Variants in TLE2 observed in about 807,000 individuals in gnomAD.
The protein encoded by TLE2 is transducin-like enhancer protein 2.
TLE2 carries 74 observed loss-of-function variants against 97.2 expected under a neutral mutation model. The observed-to-expected ratio is 0.76, with a 90% confidence interval of 0.63 to 0.92. TLE2 has a LOEUF of 0.92. Among genes scored for constraint, TLE2 ranks in the 40% least tolerant of loss-of-function variants. The probability of loss-of-function intolerance (pLI) is 0.00; values close to 1 mark genes in which losing one functional copy is unlikely to be tolerated. For missense variants in TLE2, 1,038 were observed against 1,008.7 expected (o/e 1.03, Z -0.39); for synonymous variants, 499 against 432.1 (o/e 1.15, Z -1.92).
chr19:3,024,995 T>TCCCCCCCC, intron 5 of TLE2, 25 bp downstream of exon 5: 6 of 790,204 alleles, frequency 7.6e-6, no homozygotes, highest in South Asian at 2.9e-5. Flanking sequence ...CTTCCCCTCC[T>TCCCCCCCC]CCCCCCACCC....
upstream of TLE2, among the ~76,000 whole-genome samples, chr19:3,029,831 G>C (rs1201798761): frequency 2.0e-5 from 3 of 152,100 alleles, no homozygotes; most frequent in African/African-American, 4.8e-5. Context: ...GGGTCTCCCT[G>C]TGTTGCCCAG....
rs914462863 is a variant in TLE2 at position 2,998,421 on chromosome 19, G to A, written c.2125-466C>T. Among the ~76,000 whole-genome samples the A allele has an allele frequency of 2.6e-5, 4 of 152,152 alleles. No homozygotes were observed. In the South Asian group the frequency reaches 8.3e-4, roughly 32 times the overall value. On this transcript the variant is annotated intron_variant, in intron 19 of 19. Coordinates refer to ENST00000262953, the MANE Select transcript of TLE2 (RefSeq NM_003260.5). The stretch of plus-strand genomic sequence containing the variant: ...AACTCCCAAGCAGCTGGGATTGCAG[G>A]TGCATGCCACCATGCCTGGCTAATT...
chr19:3,002,384 G>C lies in TLE2; in HGVS notation c.2016C>G (p.Ser672Arg), dbSNP rs748769031. 1 of 1,613,684 alleles carries C rather than the reference G, an allele frequency of 6.2e-7. No individual in the cohort carries two copies. Among genetic ancestry groups the C allele is most frequent in the Non-Finnish European group, 8.5e-7 (1 of 1,179,834 alleles). ...AGGCAAACTTCAGGGACAGCACGCA[G>C]CTCTCGTGGAGGTGCAGCTGGTATT... The part of the protein sequence containing the change: ...PEKYQLHLHE[S>R]CVLSLKFASC... Residue 672 changes from serine (S) to arginine (R), a missense_variant, in exon 18 of 20, where the codon AGC (serine) becomes AGG (arginine). Physicochemically the swap from Ser to Arg is moderately radical, Grantham distance 110. Coordinates refer to ENST00000262953, the MANE Select transcript of TLE2 (RefSeq NM_003260.5).
In TLE2 at chr19:3,019,338, C is replaced by G. The variant is rs770060187; in HGVS notation, c.495G>C (p.Gln165His). The change falls in exon 7 of 20, where the codon CAG becomes CAC. Residue 165 changes from glutamine to histidine, a missense_variant. Coordinates refer to ENST00000262953, the MANE Select transcript of TLE2 (RefSeq NM_003260.5). The surrounding 1 kb of genome is among the most constrained non-coding windows in gnomAD (Gnocchi z 5.1). ...ALSGALAAQA[Q>H]LAAAVKEDRA... is the part of the protein sequence containing the mutation. ...GGTCCTCCTTGACAGCCGCCGCCAG[C>G]TGAGCCTGGGCAGCCAGGGCTCCAG... The G allele has an allele frequency of 6.4e-7, 1 of 1,571,260 alleles. No homozygotes were observed. The highest frequency in any genetic ancestry group is 8.6e-7 in the Non-Finnish European group (1 of 1,166,742).
intron 1 of TLE2, among the ~76,000 whole-genome samples, chr19:3,040,235 T>C (rs1237804209): frequency 6.6e-6 from 1 of 152,164 alleles, no homozygotes; most frequent in Non-Finnish European, 1.5e-5. Flanking sequence ...GGAGAGCTCA[T>C]TGCTGGGCCC....
At chr19:3,045,095 T>C (rs2090132380) in intron 1 of TLE2, among the ~76,000 whole-genome samples, 1 of 152,128 alleles carries the variant, frequency 6.6e-6, no homozygotes, top group East Asian at 1.9e-4. Flanking sequence ...GTGCCTGTAG[T>C]CTTGGCTACT....
upstream of TLE2, among the ~76,000 whole-genome samples, chr19:3,046,589 C>G (rs2090142792): frequency 6.6e-6 from 1 of 151,422 alleles, no homozygotes; most frequent in Non-Finnish European, 1.5e-5. Flanking sequence ...ACCCCCCACC[C>G]CACCTCCGCT....
At chr19:3,009,371 G>A (rs1027459707) in intron 13 of TLE2, among the ~76,000 whole-genome samples, 171 bp downstream of exon 13, 1 of 152,236 alleles carries the variant, frequency 6.6e-6, no homozygotes, top group African/African-American at 2.4e-5. Flanking sequence ...TTTGTATTAA[G>A]CTTGTGGGAC....
intron 3 of TLE2, 109 bp from the exon 4 acceptor site, chr19:3,027,982 C>T (rs944230199): frequency 3.5e-6 from 4 of 1,158,864 alleles, no homozygotes; most frequent in Non-Finnish European, 5.0e-6. Flanking sequence ...GGAATCACAG[C>T]AGGAAGCAGA....
At chr19:3,000,600 C>A in intron 19 of TLE2, 47 bp downstream of exon 19, 1 of 1,533,116 alleles carries the variant, frequency 6.5e-7, no homozygotes. Context: ...CCTGGCATAC[C>A]CGGGCACATG....
upstream of TLE2, chr19:3,045,866 C>T: frequency 5.9e-6 from 2 of 339,646 alleles, no homozygotes; most frequent in South Asian, 4.4e-5. Context: ...CCTGAATTTC[C>T]TGCATTTGAA....
At chr19:3,003,371 C>A (rs976432410) in intron 17 of TLE2, among the ~76,000 whole-genome samples, 1 of 152,162 alleles carries the variant, frequency 6.6e-6, no homozygotes, top group Admixed American at 6.6e-5. Context: ...GGCTCTGTGG[C>A]TCAGGCCTGT....
intron 19 of TLE2, among the ~76,000 whole-genome samples, chr19:2,998,732 G>A (rs969858010): frequency 6.6e-6 from 1 of 152,192 alleles, no homozygotes; most frequent in East Asian, 1.9e-4. Context: ...GTTTTCTACA[G>A]ACAGGTGCTT....
At chr19:3,033,959 C>G (rs1245929691), upstream of TLE2, among the ~76,000 whole-genome samples, 1 of 152,086 alleles carries the variant, frequency 6.6e-6, no homozygotes, top group Non-Finnish European at 1.5e-5. Context: ...GACACCGCCT[C>G]TCCCTCCAGG....
At chr19:3,004,664 CTT>C (rs2145122875) in intron 17 of TLE2, among the ~76,000 whole-genome samples, 1 of 150,404 alleles carries the variant, frequency 6.6e-6, no homozygotes, top group Non-Finnish European at 1.5e-5. Context: ...GTTAGCTCCT[CTT>C]AGGTTTCAAG....
At chr19:2,998,905 G>C (rs1046859130) in intron 19 of TLE2, among the ~76,000 whole-genome samples, 4 of 152,234 alleles carry the variant, frequency 2.6e-5, no homozygotes, top group African/African-American at 7.2e-5. Context: ...CCAGGGATCA[G>C]CAAACTTCAC....
intron 5 of TLE2, among the ~76,000 whole-genome samples, chr19:3,021,116 G>GAAAA (rs1568245430): frequency 1.6e-5 from 1 of 64,442 alleles, no homozygotes; most frequent in Non-Finnish European, 3.2e-5. Flanking sequence ...AAAAAAAAAG[G>GAAAA]GGGGGGGGTG....
chr19:3,032,582 G>T (rs188081597), upstream of TLE2, among the ~76,000 whole-genome samples: 1 of 152,050 alleles, frequency 6.6e-6, no homozygotes, highest in Non-Finnish European at 1.5e-5. The surrounding 1 kb of genome is among the most constrained non-coding windows in gnomAD (Gnocchi z 4.1). Flanking sequence ...GAGGTTGTTC[G>T]CGTCCTTGTT....
At chr19:3,042,139 G>C (rs1029149071) in intron 1 of TLE2, among the ~76,000 whole-genome samples, 1 of 150,350 alleles carries the variant, frequency 6.7e-6, no homozygotes, top group Non-Finnish European at 1.5e-5. Flanking sequence ...ACCCGAGAAG[G>C]GGGTGTAGGA....
Sources: allele counts gnomAD v4.1 joint callset (sites outside exome capture counted in the v4.1 genomes callset), GRCh38; gene constraint gnomAD v4.1.1; non-coding constraint Gnocchi (gnomAD v3.1); transcripts MANE v1.5; gene names NCBI Gene and HGNC (gene_info 2026-07-23, HGNC 2026-07-21).